The following CPA6 variants were observed in gnomAD, a reference collection of about 807,000 sequenced individuals.
CPA6 encodes the protein carboxypeptidase A6.
A neutral mutation model predicts 63.3 loss-of-function variants in CPA6; 58 were observed. That is an observed-to-expected ratio of 0.92 (90% confidence interval 0.74 to 1.14). CPA6 has a LOEUF of 1.14. Among genes scored for constraint, CPA6 ranks in the 50% most tolerant of loss-of-function variants. CPA6 has a pLI of 0.00. For missense variants in CPA6, 565 were observed against 526.6 expected, an observed-to-expected ratio of 1.07 and a Z score of -0.71; for synonymous variants, 185 against 179.0, an observed-to-expected ratio of 1.03 and a Z score of -0.27.
At chr8:67,505,205 C>G (rs903475500) in intron 6 of CPA6, among the ~76,000 whole-genome samples, 1 of 152,148 alleles carries the variant, frequency 6.6e-6, no homozygotes, top group Non-Finnish European at 1.5e-5. Context: ...CACATCATTA[C>G]CACTGAATTC....
intron 1 of CPA6, among the ~76,000 whole-genome samples, chr8:67,707,243 C>A (rs1398608084): frequency 6.6e-6 from 1 of 152,186 alleles, no homozygotes; most frequent in Non-Finnish European, 1.5e-5. Context: ...TCATGGAGAG[C>A]TGAAACATTC....
intron 5 of CPA6, 63 bp from the exon 6 acceptor site, chr8:67,506,951 TA>T (rs1232379239): frequency 3.4e-6 from 4 of 1,160,706 alleles, no homozygotes; most frequent in Non-Finnish European, 5.2e-6. Flanking sequence ...CAGCATAATT[TA>T]ATAAGGTTTC....
chr8:67,566,036 C>T (rs1306147972), intron 2 of CPA6, among the ~76,000 whole-genome samples: 1 of 152,174 alleles, frequency 6.6e-6, no homozygotes, highest in African/African-American at 2.4e-5. Context: ...TTGCCAGACA[C>T]TCAAATGGTT....
intron 2 of CPA6, among the ~76,000 whole-genome samples, chr8:67,584,882 T>C (rs957490632): frequency 6.6e-6 from 1 of 152,152 alleles, no homozygotes; most frequent in Non-Finnish European, 1.5e-5. Context: ...ACATCTCCGA[T>C]GTGGTTGTAC....
At chr8:67,635,606 A>G (rs1488944526) in intron 1 of CPA6, among the ~76,000 whole-genome samples, 3 of 151,466 alleles carry the variant, frequency 2.0e-5, no homozygotes, top group Non-Finnish European at 4.4e-5. Context: ...CGTCTCTACT[A>G]AAAATACAAA....
At chr8:67,440,718 C>G (rs750036071) in intron 8 of CPA6, among the ~76,000 whole-genome samples, 17 of 152,098 alleles carry the variant, frequency 1.1e-4, no homozygotes, top group Non-Finnish European at 2.2e-4. Context: ...TATCATTCTA[C>G]TAGATACTAT....
At position 67,509,499 on chromosome 8, in the gene CPA6, G is replaced by A. The variant is rs763106474; in HGVS notation, c.534+18C>T. 1 of 1,126,592 alleles carries A rather than the reference G, an allele frequency of 8.9e-7. No homozygotes were observed. Among genetic ancestry groups the A allele is most frequent in the Non-Finnish European group, 1.3e-6 (1 of 751,204 alleles). The allele number at this position is 1,126,592 out of a possible 1,614,324, so 69.8% of individuals were successfully genotyped here. A position where few individuals can be genotyped will look rare whatever the true frequency, so the allele number is the denominator to read the frequency against. ...TTGGTAAACATTATGTATTTACACA[G>A]CAATTGCTTATTTTTACCTTTAAAA... is the stretch of plus-strand genomic sequence containing the variant. On this transcript the variant is annotated intron_variant, in intron 5 of 10. Coordinates refer to ENST00000297770, the MANE Select transcript of CPA6 (RefSeq NM_020361.5).
At chr8:67,492,845 C>A (rs1811636383) in intron 6 of CPA6, among the ~76,000 whole-genome samples, 1 of 151,960 alleles carries the variant, frequency 6.6e-6, no homozygotes, top group East Asian at 1.9e-4. Flanking sequence ...AATATTGAAT[C>A]AAAACTCTGC....
At chr8:67,666,241 G>T (rs1263813138) in intron 1 of CPA6, among the ~76,000 whole-genome samples, 1 of 152,098 alleles carries the variant, frequency 6.6e-6, no homozygotes, top group Non-Finnish European at 1.5e-5. Flanking sequence ...ATTCTTCCCC[G>T]CTGTGGGAAC....
chr8:67,568,594 A>G (rs939948167), intron 2 of CPA6, among the ~76,000 whole-genome samples: 1 of 152,212 alleles, frequency 6.6e-6, no homozygotes, highest in Non-Finnish European at 1.5e-5. Flanking sequence ...GAGGCAGAAC[A>G]TTTTAAACTA....
chr8:67,716,627 T>G (rs1320870150), intron 1 of CPA6, among the ~76,000 whole-genome samples: 2 of 152,236 alleles, frequency 1.3e-5, no homozygotes, highest in African/African-American at 4.8e-5. Flanking sequence ...CTGTCTGTCC[T>G]TTGCCCATGA....
At chr8:67,534,272 G>C (rs1812537206) in intron 2 of CPA6, among the ~76,000 whole-genome samples, 1 of 152,000 alleles carries the variant, frequency 6.6e-6, no homozygotes, top group Non-Finnish European at 1.5e-5. Context: ...AGCACATGCT[G>C]GCCATGGCCT....
chr8:67,703,559 T>C (rs2128999055), intron 1 of CPA6, among the ~76,000 whole-genome samples: 1 of 152,380 alleles, frequency 6.6e-6, no homozygotes. Flanking sequence ...TTCTTTGCTT[T>C]TACTTTGCAT....
chr8:67,568,300 G>A (rs193114833), intron 2 of CPA6, among the ~76,000 whole-genome samples: 1 of 152,014 alleles, frequency 6.6e-6, no homozygotes, highest in South Asian at 2.1e-4. Context: ...CAATGAGAAA[G>A]CTCCAGCAAT....
intron 6 of CPA6, among the ~76,000 whole-genome samples, chr8:67,487,343 G>C (rs918535252): frequency 2.0e-5 from 3 of 152,040 alleles, no homozygotes; most frequent in Non-Finnish European, 2.9e-5. Context: ...CAGAATGATG[G>C]TTTCCAGCTT....
chr8:67,644,736 A>G (rs1449656373), intron 1 of CPA6, among the ~76,000 whole-genome samples: 2 of 152,178 alleles, frequency 1.3e-5, no homozygotes, highest in African/African-American at 2.4e-5. Context: ...ACATGTCAGG[A>G]GCAATACCAC....
At chr8:67,536,193 C>A (rs564506371) in intron 2 of CPA6, among the ~76,000 whole-genome samples, 1 of 151,976 alleles carries the variant, frequency 6.6e-6, no homozygotes, top group Admixed American at 6.6e-5. Context: ...TTTTTTGGTT[C>A]CATATGAAAT....
intron 2 of CPA6, among the ~76,000 whole-genome samples, chr8:67,620,951 G>A (rs1392023957): frequency 6.6e-6 from 1 of 152,212 alleles, no homozygotes; most frequent in Non-Finnish European, 1.5e-5. Flanking sequence ...GTGATTCAAT[G>A]TGCTTAGATT....
intron 8 of CPA6, among the ~76,000 whole-genome samples, chr8:67,436,038 C>A (rs944759217): frequency 2.0e-5 from 3 of 151,552 alleles, no homozygotes; most frequent in Non-Finnish European, 4.4e-5. Flanking sequence ...TAGCAAAAGC[C>A]TCCCTCCCAG....
Sources: allele counts gnomAD v4.1 joint callset (sites outside exome capture counted in the v4.1 genomes callset), GRCh38; gene constraint gnomAD v4.1.1; transcripts MANE v1.5; gene names NCBI Gene and HGNC (gene_info 2026-07-23, HGNC 2026-07-21).